Variants in ASIC2 observed in about 807,000 individuals in gnomAD.
The protein encoded by ASIC2 is acid-sensing ion channel 2.
ASIC2 carries 25 observed loss-of-function variants against 57.3 expected under a neutral mutation model. The ratio of observed to expected loss-of-function variants is 0.44; its 90% CI spans 0.32 to 0.61. The LOEUF (loss-of-function observed/expected upper bound fraction) is 0.61, where lower values mean the gene tolerates loss of function less well. Ranked by LOEUF, ASIC2 falls within the 20% of genes least tolerant of loss-of-function variation. The pLI is 0.06. For missense variants in ASIC2, 641 were observed against 738.1 expected (o/e 0.87, Z 1.52); for synonymous variants, 319 against 307.5 (o/e 1.04, Z -0.39).
intron 1 of ASIC2, among the ~76,000 whole-genome samples, chr17:34,151,817 T>C (rs924281830): frequency 6.6e-6 from 1 of 152,140 alleles, no homozygotes; most frequent in South Asian, 2.1e-4. Flanking sequence ...TGCCACATAG[T>C]AGGCCTTCAC....
At chr17:33,314,933 A>T (rs554726282) in intron 1 of ASIC2, among the ~76,000 whole-genome samples, 46 of 152,288 alleles carry the variant, frequency 3.0e-4, no homozygotes, top group Admixed American at 5.9e-4. Context: ...TGCATGAGAC[A>T]CACAGTCTTG....
At chr17:34,115,904 T>A (rs1350832478) in intron 1 of ASIC2, among the ~76,000 whole-genome samples, 1 of 152,192 alleles carries the variant, frequency 6.6e-6, no homozygotes, top group Non-Finnish European at 1.5e-5. Flanking sequence ...ATAACAATTT[T>A]AACAGCAGAT....
chr17:33,713,540 G>A (rs1027548693), intron 1 of ASIC2, among the ~76,000 whole-genome samples: 1 of 152,192 alleles, frequency 6.6e-6, no homozygotes, highest in African/African-American at 2.4e-5. Flanking sequence ...TTGTCCAAAT[G>A]TCCCTCTCCT....
chr17:33,400,056 C>T (rs571371480), intron 1 of ASIC2, among the ~76,000 whole-genome samples: 10 of 152,238 alleles, frequency 6.6e-5, no homozygotes, highest in Non-Finnish European at 1.3e-4. Context: ...CTGGACCATA[C>T]ATTATTAATT....
chr17:33,117,307 C>G lies in ASIC2; in HGVS notation c.709-5240G>C, dbSNP rs2092285112. The stretch of plus-strand genomic sequence containing the variant: ...CTTGCCTGAGCCTCCTGAGTAGTAG[C>G]TGGGATTACGGGCATGCACCACCAT... On this transcript the variant is annotated intron_variant, in intron 1 of 9. Coordinates refer to ENST00000225823, the MANE Select transcript of ASIC2 (RefSeq NM_183377.2). Among the ~76,000 whole-genome samples, 3 of 152,010 alleles carry G rather than the reference C, an allele frequency of 2.0e-5. No individual in the cohort carries two copies. The South Asian group carries it at 6.2e-4, about 32-fold the overall frequency.
intron 1 of ASIC2, among the ~76,000 whole-genome samples, chr17:33,620,303 CA>C (rs1905750785): frequency 6.6e-6 from 1 of 150,964 alleles, no homozygotes; most frequent in Admixed American, 6.6e-5. Flanking sequence ...TTAATACGGC[CA>C]AAAAGCTTAC....
intron 1 of ASIC2, among the ~76,000 whole-genome samples, chr17:33,885,362 C>T (rs1004887344): frequency 1.3e-5 from 2 of 152,168 alleles, no homozygotes; most frequent in Non-Finnish European, 2.9e-5. Context: ...TTACTAAGCA[C>T]AGTGTTAAGA....
intron 1 of ASIC2, among the ~76,000 whole-genome samples, chr17:33,827,554 C>T (rs374547329): frequency 6.6e-6 from 1 of 150,654 alleles, no homozygotes; most frequent in Non-Finnish European, 1.5e-5. Context: ...CCATGTTAGC[C>T]AGGATGGTCT....
At chr17:33,534,833 T>C (rs1915173178) in intron 1 of ASIC2, among the ~76,000 whole-genome samples, 1 of 152,222 alleles carries the variant, frequency 6.6e-6, no homozygotes. Context: ...TGTGTATGAA[T>C]GCTTAGAATT....
At chr17:33,479,941 A>G (rs976824999) in intron 1 of ASIC2, among the ~76,000 whole-genome samples, 1 of 152,092 alleles carries the variant, frequency 6.6e-6, no homozygotes, top group Non-Finnish European at 1.5e-5. Flanking sequence ...TCCTTGTGCT[A>G]AATAATAGGG....
At chr17:33,436,657 C>T (rs546194200) in intron 1 of ASIC2, among the ~76,000 whole-genome samples, 34 of 152,204 alleles carry the variant, frequency 2.2e-4, no homozygotes, top group African/African-American at 7.9e-4. Flanking sequence ...GGGAGACTGA[C>T]TTGAGTGACA....
rs556159568 is a variant in ASIC2 at position 33,943,386 on chromosome 17, C to T, written c.555+212592G>A. On this transcript the variant is annotated intron_variant, in intron 1 of 9. Transcript: ENST00000359872. ...AAGAGAGACACAAAATGGGAGACAA[C>T]GGAAGAAATGAAGAGAGAATATGAT... 7.2e-5 allele frequency among the ~76,000 whole-genome samples: 11 copies of T among 152,294 alleles called. 1 individual carries two copies. The South Asian group carries it at 1.5e-3, about 20-fold the overall frequency.
At chr17:33,762,791 G>C (rs2142113762) in intron 1 of ASIC2, among the ~76,000 whole-genome samples, 1 of 152,318 alleles carries the variant, frequency 6.6e-6, no homozygotes, top group African/African-American at 2.4e-5. Flanking sequence ...GAGCAGCCAT[G>C]GTTGGGGATG....
At chr17:33,480,672 C>T (rs1258934661) in intron 1 of ASIC2, among the ~76,000 whole-genome samples, 2 of 152,076 alleles carry the variant, frequency 1.3e-5, no homozygotes, top group African/African-American at 2.4e-5. Context: ...AAGACCTGCT[C>T]GCCAGGTGGT....
chr17:33,443,562 C>T (rs373385709), intron 1 of ASIC2, among the ~76,000 whole-genome samples: 38 of 131,570 alleles, frequency 2.9e-4, no homozygotes, highest in Admixed American at 8.6e-4. Flanking sequence ...TACAGGCGCC[C>T]GCCACTACGC....
chr17:33,074,002 C>CCAG (rs2141952617), intron 3 of ASIC2, among the ~76,000 whole-genome samples: 1 of 152,228 alleles, frequency 6.6e-6, no homozygotes, highest in South Asian at 2.1e-4. Flanking sequence ...AGTCTTAGTA[C>CCAG]CAGCAGGTGT....
intron 1 of ASIC2, among the ~76,000 whole-genome samples, chr17:33,532,966 C>T (rs1915099494): frequency 6.6e-6 from 1 of 152,190 alleles, no homozygotes; most frequent in Non-Finnish European, 1.5e-5. Flanking sequence ...CCAAAGATTG[C>T]CATATGCCAT....
At chr17:33,752,295 T>C (rs912393252) in intron 1 of ASIC2, among the ~76,000 whole-genome samples, 4 of 152,172 alleles carry the variant, frequency 2.6e-5, no homozygotes, top group African/African-American at 4.8e-5. Context: ...ATGAATCTAA[T>C]TTATAACCTT....
intron 1 of ASIC2, among the ~76,000 whole-genome samples, chr17:33,572,942 G>C (rs571728650): frequency 6.6e-6 from 1 of 152,296 alleles, no homozygotes; most frequent in African/African-American, 2.4e-5. Flanking sequence ...TGTCCTCAGG[G>C]ACTGTCACAA....
Sources: allele counts gnomAD v4.1 joint callset (sites outside exome capture counted in the v4.1 genomes callset), GRCh38; gene constraint gnomAD v4.1.1; transcripts MANE v1.5; gene names NCBI Gene and HGNC (gene_info 2026-07-23, HGNC 2026-07-21).